PRH1: variants seen among roughly 807,000 people sequenced by gnomAD.
The protein encoded by PRH1 is salivary acidic proline-rich phosphoprotein 1/2.
In PRH1, 7 loss-of-function variants were observed where a neutral mutation model predicts 7.9. The ratio of observed to expected loss-of-function variants is 0.89; its 90% CI spans 0.50 to 1.67. PRH1 has a LOEUF of 1.67. PRH1 is among the 40% of genes most tolerant of loss of function. PRH1 has a pLI of 0.00. For synonymous variants in PRH1, 45 were observed against 80.8 expected (o/e 0.56, Z 2.38); for missense variants, 109 against 223.6 (o/e 0.49, Z 3.27).
chr12:11,073,055 ATTTG>A (rs1452271443), intron 1 of PRH1, among the ~76,000 whole-genome samples: 1 of 136,894 alleles, frequency 7.3e-6, no homozygotes, highest in Non-Finnish European at 1.6e-5. Context: ...ACCTGATAAT[ATTTG>A]GAAACCTGCA....
rs548233858 is a variant in PRH1 at position 11,073,962 on chromosome 12, C to T, written n.124-26774G>A. The stretch of plus-strand genomic sequence containing the variant: ...AAAAAGCCCCTCAAGCACAAGACTG[C>T]GTGCAACTACACAAGGCATCTGCTT... On this transcript the variant is annotated intron_variant and non_coding_transcript_variant, in intron 1 of 4. Coordinates refer to the PRH1 transcript ENST00000541977. Among the ~76,000 whole-genome samples, 14 of 144,416 alleles carry T rather than the reference C, an allele frequency of 9.7e-5. No individual in the cohort carries two copies. In the South Asian group the frequency reaches 2.5e-3, roughly 26 times the overall value. 94.7% of individuals were successfully genotyped at this position (144,416 alleles called of 152,430 possible).
intron 2 of PRH1, chr12:10,891,335 C>A (rs1252334061): frequency 6.6e-6 from 1 of 152,142 alleles, no homozygotes. Context: ...GATCTTTAAT[C>A]TGTCTACCTA....
chr12:11,120,246 G>A (rs1945855765), downstream of PRH1, among the ~76,000 whole-genome samples: 1 of 152,174 alleles, frequency 6.6e-6, no homozygotes, highest in South Asian at 2.1e-4. Context: ...CTAAAGTAAT[G>A]TGTTTTGTTG....
intron 2 of PRH1, among the ~76,000 whole-genome samples, chr12:10,935,714 C>T (rs1048058136): frequency 3.3e-5 from 5 of 152,094 alleles, no homozygotes; most frequent in African/African-American, 9.7e-5. Context: ...CTAAACAACA[C>T]GGTGGAGTTA....
chr12:11,005,406 T>C (rs752244659), intron 1 of PRH1, among the ~76,000 whole-genome samples: 12 of 152,170 alleles, frequency 7.9e-5, no homozygotes, highest in Non-Finnish European at 1.3e-4. Flanking sequence ...ACATAGTTCC[T>C]ACATTGGATA....
At chr12:10,910,827 A>G (rs2135828337) in intron 2 of PRH1, among the ~76,000 whole-genome samples, 1 of 152,348 alleles carries the variant, frequency 6.6e-6, no homozygotes, top group African/African-American at 2.4e-5. Flanking sequence ...TATTTAATAA[A>G]GATATAATTT....
intron 1 of PRH1, among the ~76,000 whole-genome samples, chr12:10,994,914 CT>C (rs532042939): frequency 2.0e-5 from 3 of 152,212 alleles, no homozygotes; most frequent in African/African-American, 7.2e-5. Context: ...CTTTTATATG[CT>C]TAGTAAAAAG....
intron 1 of PRH1, among the ~76,000 whole-genome samples, chr12:11,111,565 C>T (rs553949168): frequency 2.1e-4 from 32 of 152,180 alleles, no homozygotes; most frequent in Non-Finnish European, 3.4e-4. Context: ...GAGTAAATAA[C>T]GATATTAAGA....
intron 2 of PRH1, among the ~76,000 whole-genome samples, chr12:10,902,193 A>G (rs2135811305): frequency 6.6e-6 from 1 of 152,252 alleles, no homozygotes; most frequent in South Asian, 2.1e-4. Context: ...TGGAATTGAG[A>G]AACTTACTTA....
rs74848214 is a variant in PRH1, at chr12:11,081,194, G to C, written n.124-34006C>G. ...TGTATATTTCCATCTCTTTCTCTCT[G>C]TGCTTCATTCTGTGTAGCTATCTTC... On this transcript the variant is annotated intron_variant and non_coding_transcript_variant, in intron 1 of 4. Coordinates refer to the PRH1 transcript ENST00000541977. Among the ~76,000 whole-genome samples the C allele has an allele frequency of 1.2e-4, 14 of 112,506 alleles. 2 individuals are homozygous for C. The East Asian group carries it at 3.0e-3, about 24-fold the overall frequency. 73.8% of individuals were successfully genotyped at this position (112,506 alleles called of 152,430 possible).
chr12:10,933,750 T>C lies in PRH1; in HGVS notation c.-59+39905A>G, dbSNP rs71453409. On this transcript the variant is annotated intron_variant, in intron 2 of 3. Transcript: ENST00000539853. ...TACCTCAAAGTAGCTGCTAACCTTA[T>C]GTGTATCTGCAACACCCTGAAAAAT... Among the ~76,000 whole-genome samples, 1,019 of 152,272 alleles carry C rather than the reference T, an allele frequency of 6.7e-3. 7 individuals are homozygous for C. Among genetic ancestry groups the C allele is most frequent in the Non-Finnish European group, 0.011 (766 of 67,982 alleles).
intron 2 of PRH1, chr12:10,931,031 A>G: frequency 6.3e-7 from 1 of 1,592,104 alleles, no homozygotes; most frequent in Non-Finnish European, 8.5e-7. Flanking sequence ...GGCCGCCCAC[A>G]AGGACCTCCA....
chr12:10,986,855 T>C, intron 1 of PRH1: 2 of 1,526,050 alleles, frequency 1.3e-6, no homozygotes, highest in Non-Finnish European at 1.8e-6. Context: ...ATAGAAAAGT[T>C]ATCATATCTG....
At chr12:11,050,862 G>A (rs944145497), upstream of PRH1, among the ~76,000 whole-genome samples, 4 of 152,228 alleles carry the variant, frequency 2.6e-5, no homozygotes, top group African/African-American at 7.2e-5. Context: ...CATTCACCGT[G>A]AGAACATCAT....
At chr12:11,006,251 T>C (rs1940826259) in intron 1 of PRH1, 1 of 77,084 alleles carries the variant, frequency 1.3e-5, no homozygotes, top group African/African-American at 3.0e-5. Flanking sequence ...TTTGTATAAC[T>C]GCTTTCCATT....
intron 1 of PRH1, among the ~76,000 whole-genome samples, chr12:11,063,793 G>A (rs1019467715): frequency 1.3e-5 from 2 of 152,022 alleles, no homozygotes; most frequent in African/African-American, 4.8e-5. Context: ...AAGTTCTGGG[G>A]TTGGAGGATA....
intron 1 of PRH1, among the ~76,000 whole-genome samples, chr12:11,132,318 T>C (rs1385973505): frequency 6.6e-6 from 1 of 152,260 alleles, no homozygotes; most frequent in African/African-American, 2.4e-5. Flanking sequence ...ATAATTTTTA[T>C]ACTATTTTCA....
intron 2 of PRH1, among the ~76,000 whole-genome samples, chr12:10,892,333 C>T (rs1455627227): frequency 6.6e-6 from 1 of 152,184 alleles, no homozygotes; most frequent in Non-Finnish European, 1.5e-5. Context: ...CATCTATTTT[C>T]TTCCTGGACA....
chr12:10,978,865 A>C (rs1365952845), intron 1 of PRH1, among the ~76,000 whole-genome samples: 2 of 152,090 alleles, frequency 1.3e-5, no homozygotes, highest in East Asian at 3.9e-4. Context: ...AACCACAACG[A>C]GATAACCTCT....
Sources: gnomAD v4.1 joint callset for allele counts (sites outside exome capture counted in the v4.1 genomes callset) on GRCh38, gnomAD v4.1.1 for gene constraint, MANE v1.5 for transcripts, NCBI Gene and HGNC (gene_info 2026-07-23, HGNC 2026-07-21) for gene names.